The following PUM1 variants were observed in gnomAD, a reference collection of about 807,000 sequenced individuals.
The protein encoded by PUM1 is pumilio homolog 1.
A neutral mutation model predicts 131.8 loss-of-function variants in PUM1; 13 were observed. That is an observed-to-expected ratio of 0.10 (90% CI 0.06 to 0.16). The LOEUF is 0.16. Ranked by LOEUF, PUM1 falls within the 10% of genes least tolerant of loss-of-function variation. The pLI, the probability that PUM1 is intolerant of heterozygous loss-of-function variation, is 1.00. For synonymous variants in PUM1, 509 were observed against 556.5 expected, an observed-to-expected ratio of 0.91 and a Z score of 1.20; for missense variants, 961 against 1,512.4, an observed-to-expected ratio of 0.64 and a Z score of 6.05.
chr1:31,060,156 C>G (rs1644336551), intron 1 of PUM1, among the ~76,000 whole-genome samples: 2 of 149,972 alleles, frequency 1.3e-5, no homozygotes, highest in African/African-American at 4.9e-5. Flanking sequence ...CCCCAAAAGC[C>G]TTTTTAAAAC....
intron 2 of PUM1, among the ~76,000 whole-genome samples, chr1:31,055,872 C>G (rs1313521341): frequency 1.3e-5 from 2 of 152,142 alleles, no homozygotes; most frequent in African/African-American, 4.8e-5. Context: ...GGCACCTTGA[C>G]TCTCCTTTCA....
Position 30,981,313 on chromosome 1 carries a change from G to C in PUM1, c.1251C>G (p.Ile417Met). The C allele has an allele frequency of 1.9e-6, 3 of 1,585,842 alleles. No homozygotes were observed. Among genetic ancestry groups the C allele is most frequent in the Middle Eastern group, 1.7e-4 (1 of 5,998 alleles). ...YALAAAHQPH[I>M]GLAPAAFVPN... ...AGAGCTATGGGCTTAAGGACTTACC[G>C]ATGTGCGGCTGATGAGCAGCTGCCA... Residue 417 changes from isoleucine (I) to methionine (M), a missense_variant and splice_region_variant, in exon 8 of 22, where the codon ATC becomes ATG. Coordinates refer to ENST00000426105, the MANE Select transcript of PUM1 (RefSeq NM_001020658.2).
At chr1:31,020,947 A>T (rs1642999053) in intron 3 of PUM1, among the ~76,000 whole-genome samples, 1 of 152,218 alleles carries the variant, frequency 6.6e-6, no homozygotes, top group African/African-American at 2.4e-5. Context: ...CACACAACAT[A>T]GTTTAATACC....
At position 30,981,414 on chromosome 1, in the gene PUM1, A is replaced by T; in HGVS notation, c.1159-9T>A. On this transcript the variant is annotated splice_polypyrimidine_tract_variant and intron_variant, in intron 7 of 21. Coordinates refer to ENST00000426105, the MANE Select transcript of PUM1 (RefSeq NM_001020658.2). ...TTAGGTCTTTGGAACAGCTGAGGCA[A>T]GAGGAAAAACACGGTGTGGTTAGGG... 6.4e-7 allele frequency: 1 copy of T among 1,567,244 alleles called. No individual in the cohort carries two copies. Among genetic ancestry groups the T allele is most frequent in the Non-Finnish European group, 8.7e-7 (1 of 1,144,916 alleles).
In PUM1 at chr1:30,974,792, C is replaced by A; in HGVS notation, c.1365G>T (p.Val455=). The A allele has an allele frequency of 6.2e-7, 1 of 1,605,552 alleles. No homozygotes were observed. The highest frequency in any genetic ancestry group is 8.5e-7 in the Non-Finnish European group (1 of 1,175,750). The change falls in exon 10 of 22, where the codon GTG becomes GTT. Residue 455 remains valine (V), a synonymous_variant. Transcript: ENST00000426105. ...TAACTCCATAATACTGGTGAGGGAC[C>A]ACAGCTGGGCCTAAAAATAGCAAAA... ...LAAAATLGPA[V]VPHQYYGVTP...
intron 7 of PUM1, among the ~76,000 whole-genome samples, chr1:30,985,614 C>A (rs1314372722): frequency 7.1e-6 from 1 of 140,628 alleles, no homozygotes; most frequent in Admixed American, 7.3e-5. Context: ...ATGGCCATTG[C>A]ACTCCAGCCT....
At chr1:31,029,447 A>T (rs56974758) in intron 2 of PUM1, among the ~76,000 whole-genome samples, 3,183 of 152,252 alleles carry the variant, frequency 0.021, 125 homozygotes, top group African/African-American at 0.072. Flanking sequence ...ATCCCTCCAA[A>T]CCTTACTAAT....
Position 30,933,346 on chromosome 1 carries a change from GGGA to G in PUM1, c.3436-7_3436-5del, listed in dbSNP as rs1294646777. 1 of 1,612,966 alleles carries G rather than the reference GGGA, an allele frequency of 6.2e-7. No individual in the cohort carries two copies. Among genetic ancestry groups the G allele is most frequent in the Non-Finnish European group, 8.5e-7 (1 of 1,179,284 alleles). ...GAGTTGCGATGTGGGGCCGGATCTG[GGGA>G]GGAAAGACAGTCTGTGTTACATGGC... On this transcript the variant is annotated splice_polypyrimidine_tract_variant and splice_region_variant and intron_variant, in intron 21 of 21. Coordinates refer to ENST00000426105, the MANE Select transcript of PUM1 (RefSeq NM_001020658.2).
rs1255462777 is a variant in PUM1 at position 30,952,369 on chromosome 1, G to A, written c.2592-6C>T. Reference sequence around the variant, plus strand: ...CCAGTTTCAGCTGAATGAATCTGAAGTACAAAGTAAAAAGGGCAATCACAG... The same window carrying A: ...CCAGTTTCAGCTGAATGAATCTGAAATACAAAGTAAAAAGGGCAATCACAG... On this transcript the variant is annotated splice_polypyrimidine_tract_variant and splice_region_variant and intron_variant, in intron 15 of 21. Transcript: ENST00000426105. The A allele has an allele frequency of 1.9e-6, 3 of 1,613,874 alleles. No homozygotes were observed. Among genetic ancestry groups the A allele is most frequent in the Admixed American group, 3.3e-5 (2 of 60,010 alleles).
intron 9 of PUM1, among the ~76,000 whole-genome samples, chr1:30,978,733 G>A (rs923527878): frequency 2.0e-5 from 3 of 152,110 alleles, no homozygotes; most frequent in Non-Finnish European, 2.9e-5. Flanking sequence ...TCACGGTGAC[G>A]GTAACTGTGC....
intron 3 of PUM1, among the ~76,000 whole-genome samples, chr1:31,019,681 A>T (rs1642951025): frequency 6.6e-6 from 1 of 152,204 alleles, no homozygotes; most frequent in Non-Finnish European, 1.5e-5. Flanking sequence ...AGGTTTCTTT[A>T]TACCTTCACA....
intron 3 of PUM1, among the ~76,000 whole-genome samples, chr1:31,008,426 T>G (rs1167640052): frequency 6.6e-6 from 1 of 152,126 alleles, no homozygotes; most frequent in Non-Finnish European, 1.5e-5. Context: ...GTCTGGTATT[T>G]AATTGCACAG....
chr1:30,934,864 CAT>C (rs2124373936), intron 21 of PUM1, among the ~76,000 whole-genome samples: 1 of 152,280 alleles, frequency 6.6e-6, no homozygotes, highest in Non-Finnish European at 1.5e-5. Flanking sequence ...TGTTGAACTC[CAT>C]TTTTTATTGG....
intron 8 of PUM1, among the ~76,000 whole-genome samples, chr1:30,980,941 T>C (rs1005988457): frequency 2.0e-5 from 3 of 152,220 alleles, no homozygotes; most frequent in Admixed American, 6.5e-5. Flanking sequence ...ATTTATACTG[T>C]TTGTTCACAA....
intron 18 of PUM1, among the ~76,000 whole-genome samples, chr1:30,942,773 T>G (rs192147195): frequency 3.9e-5 from 6 of 152,294 alleles, no homozygotes; most frequent in Admixed American, 1.3e-4. Context: ...GCTTTCTGTA[T>G]GATTTTGTTT....
intron 5 of PUM1, among the ~76,000 whole-genome samples, chr1:31,004,595 G>C (rs1642334330): frequency 6.6e-6 from 1 of 152,196 alleles, no homozygotes; most frequent in African/African-American, 2.4e-5. Context: ...TGATTCACAA[G>C]CTACTAAACC....
chr1:30,999,326 G>A lies in PUM1; in HGVS notation c.721-4106C>T, dbSNP rs140617088. 5.2e-3 allele frequency among the ~76,000 whole-genome samples: 794 copies of A among 152,106 alleles called. 6 individuals carry two copies. Among genetic ancestry groups the A allele is most frequent in the African/African-American group, 0.018 (732 of 41,508 alleles). On this transcript the variant is annotated intron_variant, in intron 5 of 21. Transcript: ENST00000426105. Reference sequence around the variant, plus strand: ...AGTCTTTTAAAAAAATACTGAACCCGCCAGGTGCGGTGGCTCACACCTGTA... The same window carrying A: ...AGTCTTTTAAAAAAATACTGAACCCACCAGGTGCGGTGGCTCACACCTGTA...
At chr1:30,979,137 G>GAAA (rs747020680) in intron 9 of PUM1, among the ~76,000 whole-genome samples, 2,587 of 125,414 alleles carry the variant, frequency 0.021, 83 homozygotes, top group African/African-American at 0.071. Flanking sequence ...GAAAGAAAGA[G>GAAA]AAAAAAAAAA....
At chr1:30,941,884 A>G in intron 19 of PUM1, 114 bp downstream of exon 19, 1 of 1,132,568 alleles carries the variant, frequency 8.8e-7, no homozygotes, top group Non-Finnish European at 1.3e-6. Context: ...ACAAGATTCA[A>G]GGGTATTTAA....
Sources: gnomAD v4.1 joint callset for allele counts (sites outside exome capture counted in the v4.1 genomes callset) on GRCh38, gnomAD v4.1.1 for gene constraint, MANE v1.5 for transcripts, NCBI Gene and HGNC (gene_info 2026-07-23, HGNC 2026-07-21) for gene names.